Variants in ZCCHC4 observed in about 807,000 individuals in gnomAD.
ZCCHC4 encodes rRNA N(6)-adenosine-methyltransferase ZCCHC4.
In ZCCHC4, 54 loss-of-function variants were observed where a neutral mutation model predicts 67.7. The ratio of observed to expected loss-of-function variants is 0.80; its 90% CI spans 0.64 to 1.00. The LOEUF (loss-of-function observed/expected upper bound fraction) is 1.00, where lower values mean the gene tolerates loss of function less well. ZCCHC4 is among the 50% of genes least tolerant of loss of function. ZCCHC4 has a pLI of 0.00. For synonymous variants in ZCCHC4, 198 were observed against 213.5 expected, an observed-to-expected ratio of 0.93 and a Z score of 0.63; for missense variants, 609 against 617.0, an observed-to-expected ratio of 0.99 and a Z score of 0.14.
In ZCCHC4 at chr4:25,368,504, G is replaced by C. The variant is rs184077947; in HGVS notation, c.1407-525G>C. 1.1e-3 allele frequency among the ~76,000 whole-genome samples: 169 copies of C among 152,296 alleles called. 2 individuals are homozygous for C. Among genetic ancestry groups the C allele is most frequent in the Admixed American group, 9.7e-3 (149 of 15,302 alleles). On this transcript the variant is annotated intron_variant, in intron 12 of 12. Coordinates refer to ENST00000302874, the MANE Select transcript of ZCCHC4 (RefSeq NM_024936.3). ...GACCACAAAATGCTGATAACCCTGC[G>C]TGGCACTTGTCAGGACTTTTAGATC...
chr4:25,329,444 G>C (rs918043731), intron 3 of ZCCHC4, among the ~76,000 whole-genome samples: 1 of 147,342 alleles, frequency 6.8e-6, no homozygotes, highest in African/African-American at 2.5e-5. Flanking sequence ...TTTAGCCCCT[G>C]AACTACTGTT....
At chr4:25,340,594 A>G (rs1719706440) in intron 5 of ZCCHC4, among the ~76,000 whole-genome samples, 1 of 152,180 alleles carries the variant, frequency 6.6e-6, no homozygotes, top group African/African-American at 2.4e-5. Context: ...GAATATTGCC[A>G]TCTTAATATT....
At chr4:25,316,801 GTT>G (rs1030691179) in intron 3 of ZCCHC4, among the ~76,000 whole-genome samples, 3 of 152,136 alleles carry the variant, frequency 2.0e-5, no homozygotes, top group African/African-American at 7.2e-5. Context: ...AAACACAAGA[GTT>G]TTAATTTTGA....
chr4:25,315,875 G>A (rs963076690), intron 3 of ZCCHC4, among the ~76,000 whole-genome samples: 1 of 151,970 alleles, frequency 6.6e-6, no homozygotes. Flanking sequence ...ACCACACCCA[G>A]CTAATTTATT....
intron 7 of ZCCHC4, among the ~76,000 whole-genome samples, chr4:25,350,820 T>C (rs1271178232): frequency 6.6e-6 from 1 of 152,228 alleles, no homozygotes; most frequent in East Asian, 1.9e-4. Flanking sequence ...TAAAGAGCTT[T>C]GTGGGCTTGA....
chr4:25,346,286 G>T (rs886883479), intron 6 of ZCCHC4, among the ~76,000 whole-genome samples: 2 of 151,824 alleles, frequency 1.3e-5, no homozygotes, highest in African/African-American at 4.8e-5. Flanking sequence ...TCAATTTGAG[G>T]TTAATAATGT....
intron 4 of ZCCHC4, 78 bp downstream of exon 4, chr4:25,333,536 TACTC>T (rs1719296462): frequency 6.8e-7 from 1 of 1,472,400 alleles, no homozygotes; most frequent in Non-Finnish European, 9.4e-7. Context: ...AGTAGTTACT[TACTC>T]TGTGCAAGGT....
At chr4:25,363,471 T>C (rs993628627) in intron 10 of ZCCHC4, among the ~76,000 whole-genome samples, 2 of 152,218 alleles carry the variant, frequency 1.3e-5, no homozygotes, top group African/African-American at 4.8e-5. Flanking sequence ...CCAAATTTTT[T>C]AGGAAGGCGG....
chr4:25,328,693 C>G (rs1213317239), intron 3 of ZCCHC4, among the ~76,000 whole-genome samples: 1 of 151,926 alleles, frequency 6.6e-6, no homozygotes, highest in African/African-American at 2.4e-5. Context: ...GCAGTCCCCC[C>G]ACCTCAGCCT....
intron 3 of ZCCHC4, among the ~76,000 whole-genome samples, chr4:25,331,886 C>T (rs970116146): frequency 2.0e-5 from 3 of 152,198 alleles, no homozygotes; most frequent in Non-Finnish European, 2.9e-5. Context: ...TTCAGAATAT[C>T]TATTTGTCAC....
At chr4:25,352,055 GT>G in intron 8 of ZCCHC4, 1 of 998,168 alleles carries the variant, frequency 1.0e-6, no homozygotes, top group Non-Finnish European at 1.2e-6. Context: ...CATTATGAAC[GT>G]TGGTTTCCTC....
At chr4:25,321,604 C>A (rs1718589745) in intron 3 of ZCCHC4, among the ~76,000 whole-genome samples, 1 of 152,034 alleles carries the variant, frequency 6.6e-6, no homozygotes, top group Non-Finnish European at 1.5e-5. Flanking sequence ...AACTCCTGAC[C>A]TCAAGTGATC....
intron 5 of ZCCHC4, among the ~76,000 whole-genome samples, chr4:25,341,961 A>T (rs1719776106): frequency 6.6e-6 from 1 of 152,034 alleles, no homozygotes; most frequent in African/African-American, 2.4e-5. Context: ...GGGTTAGGGG[A>T]TGTGGATAAA....
chr4:25,364,130 A>G (rs1402401918), intron 10 of ZCCHC4, among the ~76,000 whole-genome samples: 1 of 152,240 alleles, frequency 6.6e-6, no homozygotes, highest in Non-Finnish European at 1.5e-5. Flanking sequence ...AAAATTATGA[A>G]TCATTAATTC....
At chr4:25,354,785 A>G (rs936008301) in intron 8 of ZCCHC4, among the ~76,000 whole-genome samples, 3 of 151,952 alleles carry the variant, frequency 2.0e-5, no homozygotes, top group African/African-American at 7.3e-5. Context: ...GGTGTGAGCC[A>G]CCATGCCTGG....
At chr4:25,354,506 T>C (rs149574903) in intron 8 of ZCCHC4, among the ~76,000 whole-genome samples, 2 of 152,356 alleles carry the variant, frequency 1.3e-5, no homozygotes, top group East Asian at 3.9e-4. Context: ...TACATGCTCA[T>C]GTTGGAGAAA....
chr4:25,358,119 G>A (rs963065176), intron 8 of ZCCHC4, among the ~76,000 whole-genome samples: 10 of 152,176 alleles, frequency 6.6e-5, no homozygotes, highest in South Asian at 2.1e-4. Context: ...TGTTCACTTC[G>A]GTTTGCTTTC....
Position 25,315,218 on chromosome 4 carries a change from G to C in ZCCHC4, c.247-100G>C, listed in dbSNP as rs563859509. The C allele has an allele frequency of 2.9e-5, 30 of 1,024,604 alleles. 1 individual carries two copies. In the African/African-American group the frequency reaches 4.6e-4, roughly 16 times the overall value. The allele number at this position is 1,024,604 out of a possible 1,614,324, so 63.5% of individuals were successfully genotyped here. On this transcript the variant is annotated intron_variant, in intron 2 of 12. Transcript: ENST00000302874. Reference sequence around the variant, plus strand: ...TCCTGAAATGAATGCCTGTTGAGTTGGTTGAATTTCTGACTTCTTGATGTC... The same window carrying C: ...TCCTGAAATGAATGCCTGTTGAGTTCGTTGAATTTCTGACTTCTTGATGTC...
chr4:25,342,132 A>G (rs1026512734), intron 5 of ZCCHC4, among the ~76,000 whole-genome samples: 3 of 152,180 alleles, frequency 2.0e-5, no homozygotes, highest in African/African-American at 7.2e-5. Context: ...GTAGAGGTCA[A>G]CAATAGTTCT....
Sources: allele counts gnomAD v4.1 joint callset (sites outside exome capture counted in the v4.1 genomes callset), GRCh38; gene constraint gnomAD v4.1.1; transcripts MANE v1.5; gene names NCBI Gene and HGNC (gene_info 2026-07-23, HGNC 2026-07-21).